Variants in CFAP299 observed in about 807,000 individuals in gnomAD.
CFAP299 encodes cilia- and flagella-associated protein 299.
CFAP299 carries 21 observed loss-of-function variants against 27.0 expected under a neutral mutation model. The observed-to-expected ratio is 0.78, with a 90% CI of 0.55 to 1.12. The LOEUF (loss-of-function observed/expected upper bound fraction) is 1.12, where lower values mean the gene tolerates loss of function less well. Ranked by LOEUF, CFAP299 falls within the 50% of genes most tolerant of loss-of-function variation. The pLI is 0.00. For missense variants in CFAP299, 310 were observed against 276.6 expected, an observed-to-expected ratio of 1.12 and a Z score of -0.86; for synonymous variants, 104 against 98.1, an observed-to-expected ratio of 1.06 and a Z score of -0.36.
At chr4:80,397,035 T>C (rs1725839713) in intron 2 of CFAP299, among the ~76,000 whole-genome samples, 2 of 152,192 alleles carry the variant, frequency 1.3e-5, no homozygotes, top group Admixed American at 1.3e-4. Flanking sequence ...TGGTAGGCTA[T>C]TAATTATTGC....
At chr4:80,591,698 T>G (rs1216758301) in intron 3 of CFAP299, among the ~76,000 whole-genome samples, 1 of 152,200 alleles carries the variant, frequency 6.6e-6, no homozygotes, top group Non-Finnish European at 1.5e-5. Flanking sequence ...TTTTAAAATA[T>G]GTGATCATAA....
chr4:80,867,703 T>C (rs1732827438), intron 3 of CFAP299, among the ~76,000 whole-genome samples: 1 of 152,186 alleles, frequency 6.6e-6, no homozygotes, highest in African/African-American at 2.4e-5. Flanking sequence ...TGTGTCCACA[T>C]TTACACAATC....
At chr4:80,944,977 CAT>C (rs764384536) in intron 5 of CFAP299, 38 bp downstream of exon 5, 3 of 1,571,514 alleles carry the variant, frequency 1.9e-6, no homozygotes, top group Non-Finnish European at 1.7e-6. Context: ...TACCTCTTCA[CAT>C]GTTATTGTAT....
chr4:80,955,837 GA>G (rs1738037764), intron 5 of CFAP299, among the ~76,000 whole-genome samples: 1 of 151,864 alleles, frequency 6.6e-6, no homozygotes, highest in Non-Finnish European at 1.5e-5. Flanking sequence ...CTCTACTAAA[GA>G]AAAATACAAA....
intron 3 of CFAP299, among the ~76,000 whole-genome samples, chr4:80,620,614 G>A (rs1254499225): frequency 6.6e-6 from 1 of 152,086 alleles, no homozygotes; most frequent in Non-Finnish European, 1.5e-5. Flanking sequence ...ATCCAGATCA[G>A]TCTCTGTATT....
chr4:80,674,842 G>A (rs916129823), intron 3 of CFAP299, among the ~76,000 whole-genome samples: 2 of 152,022 alleles, frequency 1.3e-5, no homozygotes, highest in African/African-American at 2.4e-5. Flanking sequence ...CATGCATCAC[G>A]TAGTTCTCTT....
chr4:80,355,127 T>G (rs1403137651), intron 1 of CFAP299, among the ~76,000 whole-genome samples: 2 of 152,156 alleles, frequency 1.3e-5, no homozygotes, highest in Non-Finnish European at 2.9e-5. Context: ...TGAACTAATT[T>G]ACACTCCCAC....
At chr4:80,503,760 C>G (rs1189962479) in intron 2 of CFAP299, among the ~76,000 whole-genome samples, 1 of 152,130 alleles carries the variant, frequency 6.6e-6, no homozygotes, top group African/African-American at 2.4e-5. Context: ...CAGAGGTTAC[C>G]TTACTCACCT....
rs576587944 is a variant in CFAP299 at position 80,920,196 on chromosome 4, G to A, written c.477-24614G>A. 1.3e-3 allele frequency among the ~76,000 whole-genome samples: 195 copies of A among 152,172 alleles called. 3 individuals are homozygous for A. Among genetic ancestry groups the A allele is most frequent in the African/African-American group, 4.4e-3 (182 of 41,512 alleles). On this transcript the variant is annotated intron_variant, in intron 4 of 5. Transcript: ENST00000358105. The stretch of plus-strand genomic sequence containing the variant: ...TCATACTGAGGATTAGTCAATATCC[G>A]TTAGACTAATATGGAACTAGACCAC...
At chr4:80,460,644 T>A (rs1729391604) in intron 2 of CFAP299, among the ~76,000 whole-genome samples, 1 of 152,202 alleles carries the variant, frequency 6.6e-6, no homozygotes, top group Non-Finnish European at 1.5e-5. Context: ...TTCTGTTGTG[T>A]TTAACCACTG....
chr4:80,646,048 A>G (rs1344715525), intron 3 of CFAP299, among the ~76,000 whole-genome samples: 3 of 152,170 alleles, frequency 2.0e-5, no homozygotes, highest in Non-Finnish European at 4.4e-5. Flanking sequence ...AGCTTTTAAC[A>G]CAGCAGTCAC....
chr4:80,813,076 T>C (rs952074116), intron 3 of CFAP299, among the ~76,000 whole-genome samples: 1 of 152,072 alleles, frequency 6.6e-6, no homozygotes, highest in Non-Finnish European at 1.5e-5. Context: ...CACTTTGTAA[T>C]AGAACAATTT....
intron 3 of CFAP299, among the ~76,000 whole-genome samples, chr4:80,726,517 G>A (rs536560985): frequency 6.6e-6 from 1 of 152,144 alleles, no homozygotes; most frequent in South Asian, 2.1e-4. Flanking sequence ...AAATTTGAAT[G>A]AATAACTATC....
chr4:80,694,437 T>C (rs769886818), intron 3 of CFAP299, among the ~76,000 whole-genome samples: 4 of 152,236 alleles, frequency 2.6e-5, no homozygotes, highest in Non-Finnish European at 5.9e-5. Flanking sequence ...GAAAGAACAA[T>C]GCATATCTAT....
intron 2 of CFAP299, 77 bp from the exon 3 acceptor site, chr4:80,583,016 G>A (rs1012110128): frequency 3.5e-5 from 28 of 798,122 alleles, no homozygotes; most frequent in South Asian, 2.5e-4. Context: ...ACTTAAAGAA[G>A]CATTGTTGTT....
At chr4:80,454,668 C>T (rs552869219) in intron 2 of CFAP299, among the ~76,000 whole-genome samples, 55 of 152,292 alleles carry the variant, frequency 3.6e-4, no homozygotes, top group African/African-American at 1.3e-3. Context: ...TAAATGTACA[C>T]ACAGGTGTAA....
At chr4:80,868,897 TTC>T (rs71664822) in intron 3 of CFAP299, among the ~76,000 whole-genome samples, 25 of 141,328 alleles carry the variant, frequency 1.8e-4, no homozygotes, top group South Asian at 7.1e-4. Flanking sequence ...GGGTGGGGGC[TTC>T]TCTCTCTGTG....
chr4:80,515,922 TAC>T (rs1732561918), intron 2 of CFAP299, among the ~76,000 whole-genome samples: 1 of 151,652 alleles, frequency 6.6e-6, no homozygotes, highest in African/African-American at 2.4e-5. Flanking sequence ...ATGTTAATAA[TAC>T]AAGAAAGAAG....
intron 2 of CFAP299, among the ~76,000 whole-genome samples, chr4:80,489,126 C>CT (rs143732345): frequency 0.11 from 17,058 of 151,888 alleles, 1,063 homozygotes; most frequent in African/African-American, 0.15. Flanking sequence ...TTTTTTTCTA[C>CT]TTTTTTATGT....
Sources: gnomAD v4.1 joint callset for allele counts (sites outside exome capture counted in the v4.1 genomes callset) on GRCh38, gnomAD v4.1.1 for gene constraint, MANE v1.5 for transcripts, NCBI Gene and HGNC (gene_info 2026-07-23, HGNC 2026-07-21) for gene names.